PCDHGA7: variants seen among roughly 807,000 people sequenced by gnomAD.
PCDHGA7 encodes protocadherin gamma subfamily A, 7, also known as protocadherin gamma-A7.
Under a neutral mutation model 58.3 loss-of-function variants are expected in PCDHGA7, and 44 were observed. The ratio of observed to expected loss-of-function variants is 0.75; its 90% CI spans 0.59 to 0.97. The LOEUF is 0.97. Among genes scored for constraint, PCDHGA7 ranks in the 50% least tolerant of loss-of-function variants. The pLI is 0.00. For missense variants in PCDHGA7, 1,266 were observed against 1,188.7 expected (o/e 1.06, Z -0.96); for synonymous variants, 516 against 504.2 (o/e 1.02, Z -0.31).
intron 1 of PCDHGA7, chr5:141,479,417 T>A (rs2099495481): frequency 6.6e-6 from 1 of 152,210 alleles, no homozygotes; most frequent in Non-Finnish European, 1.5e-5. Context: ...ACTATGCTGA[T>A]CAATTGATCA....
chr5:141,388,774 G>T, intron 1 of PCDHGA7: 1 of 1,613,878 alleles, frequency 6.2e-7, no homozygotes, highest in Non-Finnish European at 8.5e-7. Context: ...TCTAACACCG[G>T]GGAAATTACT....
At chr5:141,462,157 A>C (rs1232551906) in intron 1 of PCDHGA7, among the ~76,000 whole-genome samples, 1 of 151,394 alleles carries the variant, frequency 6.6e-6, no homozygotes, top group African/African-American at 2.4e-5. Flanking sequence ...ATGGGGTTTC[A>C]TCATGTTGGC....
Position 141,424,835 on chromosome 5 carries a change from T to C in PCDHGA7, c.2424+39512T>C, listed in dbSNP as rs999861185. Among the ~76,000 whole-genome samples, 20 of 152,310 alleles carry C rather than the reference T, an allele frequency of 1.3e-4. No individual in the cohort carries two copies. The South Asian group carries it at 3.5e-3, about 27-fold the overall frequency. On this transcript the variant is annotated intron_variant, in intron 1 of 3. Coordinates refer to ENST00000518325, the MANE Select transcript of PCDHGA7 (RefSeq NM_018920.4). ...AAGCTTGATAGTTGCCTGACATACA[T>C]GTTATCTGAAGCAATGTCTAGGAAA... is the stretch of plus-strand genomic sequence containing the variant.
intron 2 of PCDHGA7, among the ~76,000 whole-genome samples, chr5:141,498,421 A>C (rs1328848787): frequency 6.6e-6 from 1 of 152,016 alleles, no homozygotes; most frequent in Non-Finnish European, 1.5e-5. Flanking sequence ...CTGGCACTGG[A>C]GTGAGGGGAT....
Position 141,505,424 on chromosome 5 carries a change from C to T in PCDHGA7, c.2515C>T (p.Pro839Ser), listed in dbSNP as rs1422538114. The T allele has an allele frequency of 1.2e-6, 2 of 1,614,200 alleles. No individual in the cohort carries two copies. Among genetic ancestry groups the T allele is most frequent in the Non-Finnish European group, 1.7e-6 (2 of 1,180,028 alleles). Residue 839 changes from proline (P) to serine (S), a missense_variant, in exon 3 of 4, where the codon CCC (proline) becomes TCC (serine). Pro to Ser is a moderately conservative substitution (Grantham distance 74). Transcript: ENST00000518325. ...AAATGGCGATGACACCGGCACCTGG[C>T]CCAACAACCAGTTTGACACAGAGAT... is the stretch of plus-strand genomic sequence containing the variant. ...SQNGDDTGTW[P>S]NNQFDTEMLQ...
rs985430498 is a variant in PCDHGA7 at position 141,387,945 on chromosome 5, C to T, written c.2424+2622C>T. The T allele has an allele frequency of 4.0e-6, 6 of 1,484,034 alleles. No homozygotes were observed. The African/African-American group carries it at 8.5e-5, about 21-fold the overall frequency. The allele number at this position is 1,484,034 out of a possible 1,614,324, so 91.9% of individuals were successfully genotyped here. A position where few individuals can be genotyped will look rare whatever the true frequency, so the allele number is the denominator to read the frequency against. On this transcript the variant is annotated intron_variant, in intron 1 of 3. Coordinates refer to ENST00000518325, the MANE Select transcript of PCDHGA7 (RefSeq NM_018920.4). ...GAGGCTGCCAGTGCTCTTTCTCTTC[C>T]TGCTGTCTTTGTTCTGCCCGGCGCT...
chr5:141,461,438 T>C (rs1034260263), intron 1 of PCDHGA7, among the ~76,000 whole-genome samples: 3 of 152,200 alleles, frequency 2.0e-5, no homozygotes, highest in African/African-American at 7.2e-5. Flanking sequence ...GTATACCTTC[T>C]TTTGAGAAAT....
At chr5:141,394,096 G>C in intron 1 of PCDHGA7, 1 of 1,613,822 alleles carries the variant, frequency 6.2e-7, no homozygotes, top group African/African-American at 1.3e-5. Context: ...TCAGATCTAG[G>C]AACACCACCT....
intron 1 of PCDHGA7, chr5:141,389,284 C>G (rs1227474648): frequency 1.1e-5 from 17 of 1,613,930 alleles, no homozygotes; most frequent in Admixed American, 1.7e-5. Flanking sequence ...CCGCCTGGAG[C>G]CTCTATTTCA....
chr5:141,383,477 A>T lies in PCDHGA7; in HGVS notation c.578A>T (p.Glu193Val). The change falls in exon 1 of 4, where the codon GAA (glutamate) becomes GTA (valine). Residue 193 changes from glutamate to valine, a missense_variant. Transcript: ENST00000518325. The part of the protein sequence containing the change: ...QSGDDETKYP[E>V]LVLERVLDRE... ...GGAGACGATGAAACTAAGTACCCGGAACTGGTGCTGGAGCGGGTGCTGGAC... is the reference window on the plus strand; with the variant it reads ...GGAGACGATGAAACTAAGTACCCGGTACTGGTGCTGGAGCGGGTGCTGGAC... 1 of 1,613,722 alleles carries T rather than the reference A, an allele frequency of 6.2e-7. No individual in the cohort carries two copies. Among genetic ancestry groups the T allele is most frequent in the Non-Finnish European group, 8.5e-7 (1 of 1,179,798 alleles).
At chr5:141,509,032 A>G (rs2099873869) in intron 3 of PCDHGA7, among the ~76,000 whole-genome samples, 1 of 151,488 alleles carries the variant, frequency 6.6e-6, no homozygotes, top group African/African-American at 2.4e-5. Flanking sequence ...CTCCCACTCA[A>G]CCCCTCTCCC....
intron 1 of PCDHGA7, chr5:141,478,906 C>T: frequency 1.1e-6 from 1 of 906,534 alleles, no homozygotes; most frequent in Non-Finnish European, 1.6e-6. Context: ...GAATAAGCTG[C>T]TGGATACCTC....
Position 141,491,456 on chromosome 5 carries a change from C to A in PCDHGA7, c.2425-3351C>A. ...TGCAGGCGCCAGGACTCACCCTCCC[C>A]GGACTTCTATAAGCAGTCCAGCCCC... On this transcript the variant is annotated intron_variant, in intron 1 of 3. Coordinates refer to ENST00000518325, the MANE Select transcript of PCDHGA7 (RefSeq NM_018920.4). The surrounding 1 kb of genome is among the most constrained non-coding windows in gnomAD (Gnocchi z 6.9). 1.2e-6 allele frequency: 2 copies of A among 1,614,104 alleles called. No homozygotes were observed.
At chr5:141,438,063 A>G (rs540817874) in intron 1 of PCDHGA7, among the ~76,000 whole-genome samples, 11 of 152,224 alleles carry the variant, frequency 7.2e-5, no homozygotes, top group Non-Finnish European at 1.5e-4. Context: ...CTTTTAAGAA[A>G]CCATACTTAA....
intron 1 of PCDHGA7, chr5:141,428,460 T>G (rs558111052): frequency 2.8e-6 from 1 of 351,434 alleles, no homozygotes; most frequent in African/African-American, 2.1e-5. Context: ...CCAACTACAA[T>G]GAGGGAACTT....
At chr5:141,407,549 T>C (rs1159197129) in intron 1 of PCDHGA7, among the ~76,000 whole-genome samples, 4 of 151,912 alleles carry the variant, frequency 2.6e-5, no homozygotes, top group African/African-American at 9.7e-5. Flanking sequence ...TAACAGATTG[T>C]AGAACATAAG....
intron 1 of PCDHGA7, chr5:141,415,268 T>C: frequency 6.2e-7 from 1 of 1,614,174 alleles, no homozygotes; most frequent in Non-Finnish European, 8.5e-7. Flanking sequence ...CTGTACCTGG[T>C]GGTAGCGGTG....
At chr5:141,475,866 C>T in intron 1 of PCDHGA7, 1 of 504,862 alleles carries the variant, frequency 2.0e-6, no homozygotes, top group South Asian at 2.9e-5. Context: ...GCTCATTCTT[C>T]GTGCAGTTAT....
intron 3 of PCDHGA7, chr5:141,507,291 T>A (rs956764262): frequency 3.4e-5 from 5 of 147,704 alleles, no homozygotes; most frequent in African/African-American, 5.1e-5. Flanking sequence ...CAGTCTCAAA[T>A]GTTGCATGAG....
Sources: allele counts gnomAD v4.1 joint callset (sites outside exome capture counted in the v4.1 genomes callset), GRCh38; gene constraint gnomAD v4.1.1; non-coding constraint Gnocchi (gnomAD v3.1); transcripts MANE v1.5; gene names NCBI Gene and HGNC (gene_info 2026-07-23, HGNC 2026-07-21).